PAN3: variants seen among roughly 807,000 people sequenced by gnomAD.
PAN3 encodes PAN2-PAN3 deadenylation complex subunit PAN3.
In PAN3, 19 loss-of-function variants were observed where a neutral mutation model predicts 96.2. The ratio of observed to expected loss-of-function variants is 0.20; its 90% CI spans 0.14 to 0.29. The LOEUF (loss-of-function observed/expected upper bound fraction) is 0.29, where lower values mean the gene tolerates loss of function less well. Among genes scored for constraint, PAN3 ranks in the 10% least tolerant of loss-of-function variants. The pLI is 1.00. For synonymous variants in PAN3, 433 were observed against 406.6 expected (o/e 1.06, Z -0.78); for missense variants, 882 against 1,108.1 (o/e 0.80, Z 2.90).
chr13:28,160,590 G>A (rs1159257238), intron 1 of PAN3, among the ~76,000 whole-genome samples: 6 of 152,172 alleles, frequency 3.9e-5, no homozygotes, highest in African/African-American at 7.2e-5. Context: ...TTGAAATAAG[G>A]CTTTAAATCT....
intron 1 of PAN3, among the ~76,000 whole-genome samples, chr13:28,146,477 C>G (rs1870667739): frequency 6.6e-6 from 1 of 151,778 alleles, no homozygotes; most frequent in Admixed American, 6.6e-5. Context: ...GTTGGAAGTC[C>G]CAGATGAGGA....
Position 28,139,048 on chromosome 13 carries a change from G to A in PAN3, c.391G>A (p.Gly131Arg). 1.0e-5 allele frequency: 13 copies of A among 1,277,716 alleles called. No individual in the cohort carries two copies. The highest frequency in any genetic ancestry group is 1.3e-5 in the Non-Finnish European group (13 of 1,013,090). 79.1% of individuals were successfully genotyped at this position (1,277,716 alleles called of 1,614,324 possible). A position where few individuals can be genotyped will look rare whatever the true frequency, so the allele number is the denominator to read the frequency against. ...DPGTGAAAGG[G>R]GSSGGLDGPR... The stretch of plus-strand genomic sequence containing the variant: ...GGGGACCGGAGCCGCAGCCGGCGGA[G>A]GAGGCAGTAGCGGGGGACTCGATGG... Residue 131 changes from glycine to arginine, a missense_variant, in exon 1 of 19, where the codon GGA (glycine) becomes AGA (arginine). Around this residue, in one of 3 missense-constraint regions of PAN3, gnomAD observed 442 missense variants for 422.8 expected, o/e 1.05. Transcript: ENST00000380958.
chr13:28,284,806 G>T (rs374199737), intron 17 of PAN3, among the ~76,000 whole-genome samples: 1 of 152,084 alleles, frequency 6.6e-6, no homozygotes, highest in East Asian at 1.9e-4. Flanking sequence ...GCACCACTTT[G>T]TTGTTTTCCT....
intron 13 of PAN3, among the ~76,000 whole-genome samples, chr13:28,271,568 A>G (rs1460416799): frequency 1.3e-5 from 2 of 152,052 alleles, no homozygotes; most frequent in African/African-American, 4.8e-5. Flanking sequence ...TTTATGAGGT[A>G]CCCCTCATAA....
intron 7 of PAN3, 100 bp downstream of exon 7, chr13:28,256,639 C>CA: frequency 7.9e-7 from 1 of 1,268,942 alleles, no homozygotes; most frequent in Non-Finnish European, 1.1e-6. Context: ...TATTGTGATG[C>CA]AAAAAAGTAT....
Position 28,145,564 on chromosome 13 carries a change from C to T in PAN3, c.430+6477C>T, listed in dbSNP as rs369863426. ...CGGGTCTCAAACTCTTGACCTCAAG[C>T]AATCTGCTCACCTTGACCTCCCAAA... On this transcript the variant is annotated intron_variant, in intron 1 of 18. Transcript: ENST00000380958. 5.9e-5 allele frequency among the ~76,000 whole-genome samples: 9 copies of T among 151,438 alleles called. No individual in the cohort carries two copies. In the South Asian group the frequency reaches 1.9e-3, roughly 32 times the overall value.
chr13:28,270,407 A>G (rs1274245298), intron 12 of PAN3, among the ~76,000 whole-genome samples: 1 of 152,242 alleles, frequency 6.6e-6, no homozygotes, highest in Non-Finnish European at 1.5e-5. Flanking sequence ...TTGGTTAACA[A>G]TTACATATAA....
chr13:28,269,277 T>TA (rs1886417859), intron 12 of PAN3, among the ~76,000 whole-genome samples: 1 of 152,142 alleles, frequency 6.6e-6, no homozygotes, highest in Non-Finnish European at 1.5e-5. Flanking sequence ...AGTAATTTTT[T>TA]AATCATAATT....
At chr13:28,193,414 T>C (rs1436109361) in intron 4 of PAN3, among the ~76,000 whole-genome samples, 1 of 151,668 alleles carries the variant, frequency 6.6e-6, no homozygotes, top group East Asian at 1.9e-4. Flanking sequence ...ATGAGTGCAG[T>C]TAAAGAGGGA....
intron 6 of PAN3, among the ~76,000 whole-genome samples, chr13:28,242,837 T>C (rs1485141855): frequency 6.6e-6 from 1 of 152,232 alleles, no homozygotes; most frequent in African/African-American, 2.4e-5. Flanking sequence ...GTCTTTAATG[T>C]CTTTCCACAA....
intron 5 of PAN3, chr13:28,214,813 A>G: frequency 1.6e-6 from 1 of 631,234 alleles, no homozygotes; most frequent in Non-Finnish European, 2.9e-6. Context: ...GACTTCATCA[A>G]AAACATGATT....
intron 4 of PAN3, among the ~76,000 whole-genome samples, chr13:28,181,289 A>G (rs1261034922): frequency 6.6e-6 from 1 of 152,038 alleles, no homozygotes. Context: ...CTCGAGAATC[A>G]CTTGAGGTCA....
At chr13:28,245,821 T>A (rs1884131445) in intron 6 of PAN3, among the ~76,000 whole-genome samples, 2 of 152,238 alleles carry the variant, frequency 1.3e-5, no homozygotes, top group Admixed American at 1.3e-4. Context: ...GTTTTCAAGG[T>A]TCATCCGTGT....
intron 1 of PAN3, among the ~76,000 whole-genome samples, chr13:28,164,971 G>A (rs1208658206): frequency 1.3e-5 from 2 of 152,160 alleles, no homozygotes; most frequent in Non-Finnish European, 2.9e-5. Flanking sequence ...GCAGTGGCGC[G>A]ATCTCAGCTC....
At chr13:28,242,297 A>G (rs1471965824) in intron 6 of PAN3, among the ~76,000 whole-genome samples, 1 of 152,164 alleles carries the variant, frequency 6.6e-6, no homozygotes, top group Non-Finnish European at 1.5e-5. Flanking sequence ...AGGCAATTTG[A>G]TGATGATAGC....
chr13:28,218,678 A>C (rs1306133542), intron 5 of PAN3, among the ~76,000 whole-genome samples: 1 of 152,182 alleles, frequency 6.6e-6, no homozygotes, highest in Non-Finnish European at 1.5e-5. Context: ...AATAATAAAA[A>C]TACTCTTTCA....
At chr13:28,248,669 C>T (rs1466306013) in intron 6 of PAN3, among the ~76,000 whole-genome samples, 2 of 152,060 alleles carry the variant, frequency 1.3e-5, no homozygotes, top group Non-Finnish European at 2.9e-5. Flanking sequence ...GGACTACAGG[C>T]GCATACCACC....
At chr13:28,231,753 A>G (rs1260639900) in intron 6 of PAN3, among the ~76,000 whole-genome samples, 3 of 152,106 alleles carry the variant, frequency 2.0e-5, no homozygotes, top group African/African-American at 7.2e-5. Flanking sequence ...AACAACAACC[A>G]TAGGCAGGTA....
chr13:28,263,284 A>G (rs983722102), intron 9 of PAN3, among the ~76,000 whole-genome samples: 4 of 152,226 alleles, frequency 2.6e-5, no homozygotes, highest in Non-Finnish European at 1.5e-5. Flanking sequence ...AAGTTGGCAA[A>G]TAAGTGGGGG....
Sources: allele counts gnomAD v4.1 joint callset (sites outside exome capture counted in the v4.1 genomes callset), GRCh38; gene constraint gnomAD v4.1.1; regional missense constraint gnomAD v4.1.1; transcripts MANE v1.5; gene names NCBI Gene and HGNC (gene_info 2026-07-23, HGNC 2026-07-21).